Variants in NEMP2 observed in about 807,000 individuals in gnomAD.
NEMP2 encodes nuclear envelope integral membrane protein 2.
NEMP2 carries 53 observed loss-of-function variants against 54.2 expected under a neutral mutation model. The ratio of observed to expected loss-of-function variants is 0.98; its 90% CI spans 0.78 to 1.23. NEMP2 has a LOEUF of 1.23. Among genes scored for constraint, NEMP2 ranks in the 50% most tolerant of loss-of-function variants. The pLI is 0.00. For missense variants in NEMP2, 455 were observed against 511.3 expected, an observed-to-expected ratio of 0.89 and a Z score of 1.06; for synonymous variants, 197 against 190.3, an observed-to-expected ratio of 1.04 and a Z score of -0.29.
At chr2:190,516,495 G>T in intron 5 of NEMP2, 111 bp from the exon 6 acceptor site, 1 of 789,676 alleles carries the variant, frequency 1.3e-6, no homozygotes, top group Non-Finnish European at 2.0e-6. Context: ...AAACTGATTT[G>T]AAGTCAATTT....
chr2:190,442,392 A>C, the NEMP2 span, among the ~76,000 whole-genome samples: 10 of 152,110 alleles, frequency 6.6e-5, no homozygotes, highest in African/African-American at 2.2e-4. Flanking sequence ...GGGATCAGTA[A>C]CCTGAATTTC....
the NEMP2 span, chr2:190,454,391 G>A: frequency 6.6e-6 from 1 of 152,194 alleles, no homozygotes; most frequent in African/African-American, 2.4e-5. The surrounding 1 kb of genome is among the most constrained non-coding windows in gnomAD (Gnocchi z 4.6). Flanking sequence ...GACCCCCAAT[G>A]TGATGCTATT....
At position 190,530,332 on chromosome 2, in the gene NEMP2, T is replaced by C. The variant is rs1691099664; in HGVS notation, c.97+4227A>G. Among the ~76,000 whole-genome samples, 1 of 152,214 alleles carries C rather than the reference T, an allele frequency of 6.6e-6. No individual in the cohort carries two copies. The highest frequency in any genetic ancestry group is 1.5e-5 in the Non-Finnish European group (1 of 68,038). ...ATGAGATTCCACAAAGTGTCAGTGC[T>C]TCATGGTGTCCTCTGGCTGCCCTTT... On this transcript the variant is annotated intron_variant, in intron 1 of 8. Coordinates refer to ENST00000409150, the MANE Select transcript of NEMP2 (RefSeq NM_001142645.2). The surrounding 1 kb of genome is among the most constrained non-coding windows in gnomAD (Gnocchi z 4.6).
At chr2:190,501,262 G>A (rs1162410655), downstream of NEMP2, 2 of 152,130 alleles carry the variant, frequency 1.3e-5, no homozygotes, top group South Asian at 2.1e-4. Flanking sequence ...GTGGTAAATA[G>A]GAAACCATGA....
the NEMP2 span, among the ~76,000 whole-genome samples, chr2:190,475,100 C>G: frequency 6.6e-6 from 1 of 152,184 alleles, no homozygotes; most frequent in South Asian, 2.1e-4. Flanking sequence ...AAACCCACAG[C>G]CAATATCATA....
At chr2:190,477,101 GT>G in the NEMP2 span, 1,894 of 192,354 alleles carry the variant, frequency 9.8e-3, 22 homozygotes, top group South Asian at 0.059. Context: ...TATACCTAAT[GT>G]TAAATGACGA....
At chr2:190,487,215 C>T in the NEMP2 span, among the ~76,000 whole-genome samples, 1 of 152,108 alleles carries the variant, frequency 6.6e-6, no homozygotes, top group Admixed American at 6.6e-5. The surrounding 1 kb of genome is among the most constrained non-coding windows in gnomAD (Gnocchi z 5.5). Context: ...GTGGCGGGCA[C>T]TTGTAGTCCC....
chr2:190,577,488 A>C, the NEMP2 span, among the ~76,000 whole-genome samples: 1 of 152,270 alleles, frequency 6.6e-6, no homozygotes, highest in African/African-American at 2.4e-5. This position sits in a 1 kb window ranked among gnomAD's most constrained non-coding sequence, Gnocchi z 4.8. Context: ...ATTTTTCTTA[A>C]TATTTATTTA....
chr2:190,641,410 C>T, the NEMP2 span: 1 of 152,312 alleles, frequency 6.6e-6, no homozygotes, highest in African/African-American at 2.4e-5. Flanking sequence ...CCTCCATCCA[C>T]CCTCATGATG....
At chr2:190,643,023 GTTTTTTTTTTTT>G in the NEMP2 span, among the ~76,000 whole-genome samples, 3 of 79,566 alleles carry the variant, frequency 3.8e-5, no homozygotes, top group African/African-American at 4.9e-5. Flanking sequence ...AATGGTTAAG[GTTTTTTTTTTTT>G]TTTTTTTTTT....
the NEMP2 span, among the ~76,000 whole-genome samples, chr2:190,466,866 C>T: frequency 6.6e-6 from 1 of 152,260 alleles, no homozygotes; most frequent in South Asian, 2.1e-4. Flanking sequence ...AATCTGAGAC[C>T]TAAGGGTCCC....
Position 190,510,289 on chromosome 2 carries a change from T to G in NEMP2, c.1130+72A>C, listed in dbSNP as rs1033604437. 2.5e-5 allele frequency: 38 copies of G among 1,520,050 alleles called. No individual in the cohort carries two copies. Among genetic ancestry groups the G allele is most frequent in the Non-Finnish European group, 3.3e-5 (37 of 1,124,442 alleles). The allele number at this position is 1,520,050 out of a possible 1,614,324, so 94.2% of individuals were successfully genotyped here. On this transcript the variant is annotated intron_variant, in intron 8 of 8. Coordinates refer to ENST00000409150, the MANE Select transcript of NEMP2 (RefSeq NM_001142645.2). The surrounding 1 kb of genome is among the most constrained non-coding windows in gnomAD (Gnocchi z 5.7). ...GTCTATTTCTACCCTGAAGTGCCTG[T>G]ACCAAACCATCATATTATTTTTTAA...
upstream of NEMP2, among the ~76,000 whole-genome samples, chr2:190,538,128 C>T (rs1470479106): frequency 6.6e-6 from 1 of 152,194 alleles, no homozygotes; most frequent in African/African-American, 2.4e-5. This position sits in a 1 kb window ranked among gnomAD's most constrained non-coding sequence, Gnocchi z 4.1. Context: ...TCAACCCCTC[C>T]CACCATCCCC....
the NEMP2 span, among the ~76,000 whole-genome samples, chr2:190,445,859 T>C: frequency 1.3e-5 from 2 of 149,690 alleles, no homozygotes; most frequent in Admixed American, 1.3e-4. Flanking sequence ...AAAAAGAAGG[T>C]CATTTTTTTT....
the NEMP2 span, among the ~76,000 whole-genome samples, chr2:190,422,003 A>G: frequency 6.6e-6 from 1 of 152,082 alleles, no homozygotes; most frequent in Non-Finnish European, 1.5e-5. Flanking sequence ...TGACTTCCCA[A>G]TGTAGCTATA....
intron 1 of NEMP2, among the ~76,000 whole-genome samples, chr2:190,532,346 A>G (rs1430731415): frequency 6.6e-6 from 1 of 152,178 alleles, no homozygotes; most frequent in Non-Finnish European, 1.5e-5. Flanking sequence ...ACTCATGCAC[A>G]CTCAGGTCTT....
chr2:190,441,662 CCTCT>C, the NEMP2 span, among the ~76,000 whole-genome samples: 2 of 151,936 alleles, frequency 1.3e-5, no homozygotes, highest in Non-Finnish European at 2.9e-5. Context: ...TCTCTACAGT[CCTCT>C]CTCTCTGTAG....
the NEMP2 span, among the ~76,000 whole-genome samples, chr2:190,560,734 A>T: frequency 6.6e-6 from 1 of 152,220 alleles, no homozygotes; most frequent in East Asian, 1.9e-4. This position sits in a 1 kb window ranked among gnomAD's most constrained non-coding sequence, Gnocchi z 5.4. Context: ...TTGAAGTGCC[A>T]TCGACTTATT....
At chr2:190,645,337 T>C in the NEMP2 span, among the ~76,000 whole-genome samples, 2 of 152,218 alleles carry the variant, frequency 1.3e-5, no homozygotes, top group African/African-American at 4.8e-5. Flanking sequence ...TTATTAACCC[T>C]TTGTAATTTA....
Sources: gnomAD v4.1 joint callset for allele counts (sites outside exome capture counted in the v4.1 genomes callset) on GRCh38, gnomAD v4.1.1 for gene constraint, Gnocchi (gnomAD v3.1) non-coding constraint, MANE v1.5 for transcripts, NCBI Gene and HGNC (gene_info 2026-07-23, HGNC 2026-07-21) for gene names.